The following ATXN7 variants were observed in gnomAD, a reference collection of about 807,000 sequenced individuals.
ATXN7 encodes ataxin-7.
A neutral mutation model predicts 70.5 loss-of-function variants in ATXN7; 12 were observed. The observed-to-expected ratio is 0.17, with a 90% CI of 0.11 to 0.28. The LOEUF (loss-of-function observed/expected upper bound fraction) is 0.28, where lower values mean the gene tolerates loss of function less well. ATXN7 is among the 10% of genes least tolerant of loss of function. ATXN7 has a pLI of 1.00. For synonymous variants in ATXN7, 498 were observed against 448.7 expected, an observed-to-expected ratio of 1.11 and a Z score of -1.39; for missense variants, 1,256 against 1,131.7, an observed-to-expected ratio of 1.11 and a Z score of -1.58.
At chr3:63,955,564 CA>C (rs1303934535) in intron 5 of ATXN7, among the ~76,000 whole-genome samples, 1 of 152,132 alleles carries the variant, frequency 6.6e-6, no homozygotes. Flanking sequence ...CTTTTGGGGA[CA>C]GGGGTTGTGA....
Position 63,884,235 on chromosome 3 carries a change from ACACACATACT to A in ATXN7, c.-110-14162_-110-14153del, listed in dbSNP as rs1459497390. 7.4e-4 allele frequency among the ~76,000 whole-genome samples: 103 copies of A among 139,460 alleles called. 1 individual carries two copies. The highest frequency in any genetic ancestry group is 2.4e-3 in the African/African-American group (91 of 38,016). The allele number at this position is 139,460 out of a possible 152,430, so 91.5% of individuals were successfully genotyped here. A position where few individuals can be genotyped will look rare whatever the true frequency, so the allele number is the denominator to read the frequency against. On this transcript the variant is annotated intron_variant, in intron 1 of 12. Coordinates refer to ENST00000674280, the MANE Select transcript of ATXN7 (RefSeq NM_001377405.1). ...CACACACACACACACACACACACACACACACATACTCTCACACACACACACACTCATTCAC... is the reference window on the plus strand; with the variant it reads ...CACACACACACACACACACACACACACTCACACACACACACACTCATTCAC...
chr3:63,946,356 T>C (rs1412674051), intron 4 of ATXN7, among the ~76,000 whole-genome samples: 1 of 152,020 alleles, frequency 6.6e-6, no homozygotes, highest in African/African-American at 2.4e-5. Context: ...GAAGGAATTG[T>C]GGGCCAGGCG....
At chr3:63,877,404 T>C (rs991026688) in intron 1 of ATXN7, among the ~76,000 whole-genome samples, 3 of 152,238 alleles carry the variant, frequency 2.0e-5, no homozygotes, top group African/African-American at 4.8e-5. Flanking sequence ...AAATGCATGC[T>C]TAGAAGTAAG....
chr3:63,958,578 C>G (rs894621405), intron 5 of ATXN7, among the ~76,000 whole-genome samples: 3 of 152,154 alleles, frequency 2.0e-5, no homozygotes. Flanking sequence ...CTCTGATTAA[C>G]TTAGACCTGG....
chr3:63,939,148 T>C lies in ATXN7; in HGVS notation c.395-13231T>C, dbSNP rs115536648. Among the ~76,000 whole-genome samples, 1,000 of 152,222 alleles carry C rather than the reference T, an allele frequency of 6.6e-3. 11 individuals are homozygous for C. Among genetic ancestry groups the C allele is most frequent in the African/African-American group, 0.022 (902 of 41,516 alleles). ...CCTTAGAACTTAGATGTCCCACATA[T>C]ATGGGCTTCATTCTCAGACCTGGCA... On this transcript the variant is annotated intron_variant, in intron 4 of 12. Transcript: ENST00000674280.
intron 2 of ATXN7, chr3:63,912,254 G>C (rs1197986545): frequency 6.6e-6 from 1 of 151,948 alleles, no homozygotes; most frequent in Non-Finnish European, 1.5e-5. Flanking sequence ...CGCGGGGTTG[G>C]AGCCGGGCCG....
chr3:63,990,003 G>C (rs1226842258), intron 9 of ATXN7, among the ~76,000 whole-genome samples, 173 bp from the exon 10 acceptor site: 1 of 152,184 alleles, frequency 6.6e-6, no homozygotes, highest in East Asian at 1.9e-4. Flanking sequence ...TGCAGTTCAG[G>C]AGAGAGGTTC....
At chr3:63,880,946 G>A (rs1702889346) in intron 1 of ATXN7, among the ~76,000 whole-genome samples, 1 of 152,156 alleles carries the variant, frequency 6.6e-6, no homozygotes, top group African/African-American at 2.4e-5. Flanking sequence ...TTGCAAAAAA[G>A]GGAAAAAGAA....
chr3:63,944,926 C>T (rs1412416699), intron 4 of ATXN7, among the ~76,000 whole-genome samples: 5 of 151,962 alleles, frequency 3.3e-5, no homozygotes, highest in African/African-American at 1.2e-4. Flanking sequence ...CAGGTAGCTG[C>T]AATTACAAGT....
In ATXN7 at chr3:63,995,671, T is replaced by C. The variant is rs2075745800; in HGVS notation, c.1849T>C (p.Ser617Pro). ...TACCTGCATCTCCCCAAATAGCAAA[T>C]CGGTACCAGCTCATGGAACCACACT... ...SSTCISPNSK[S>P]VPAHGTTLNA... The change falls in exon 12 of 13, where the codon TCG (serine) becomes CCG (proline). Residue 617 changes from serine to proline, a missense_variant. By Grantham distance (74) the Ser-to-Pro change is moderately conservative. Transcript: ENST00000674280. 1 of 1,613,976 alleles carries C rather than the reference T, an allele frequency of 6.2e-7. No individual in the cohort carries two copies. Among genetic ancestry groups the C allele is most frequent in the Non-Finnish European group, 8.5e-7 (1 of 1,180,032 alleles).
Position 64,002,551 on chromosome 3 carries a change from T to C in ATXN7, c.*3084T>C, listed in dbSNP as rs1559667676. ...TATACTCAGCACATGTATGTTACTA[T>C]GTGATGTGGTTTAAAACTAATGGAA... On this transcript the variant is annotated 3_prime_UTR_variant, in exon 13 of 13. Transcript: ENST00000674280. 1 of 152,138 alleles carries C rather than the reference T, an allele frequency of 6.6e-6. No individual in the cohort carries two copies. Among genetic ancestry groups the C allele is most frequent in the East Asian group, 1.9e-4 (1 of 5,194 alleles). The allele number at this position is 152,138 out of a possible 1,614,324, so 9.4% of individuals were successfully genotyped here.
At chr3:63,962,569 T>C (rs1355379622) in intron 5 of ATXN7, among the ~76,000 whole-genome samples, 1 of 151,982 alleles carries the variant, frequency 6.6e-6, no homozygotes, top group Non-Finnish European at 1.5e-5. Context: ...CACACCCAGC[T>C]AATTTGTGCA....
intron 5 of ATXN7, among the ~76,000 whole-genome samples, chr3:63,953,597 C>T (rs944982193): frequency 1.3e-5 from 2 of 151,302 alleles, no homozygotes; most frequent in African/African-American, 4.9e-5. Context: ...GAGATGACAC[C>T]GGACTGAGAG....
intron 5 of ATXN7, among the ~76,000 whole-genome samples, chr3:63,972,859 A>C (rs1259438648): frequency 6.6e-6 from 1 of 152,158 alleles, no homozygotes; most frequent in Non-Finnish European, 1.5e-5. Context: ...TTTGTTCTTA[A>C]GTGATTTCTA....
chr3:63,873,863 C>A (rs1442445994), intron 1 of ATXN7: 1 of 152,134 alleles, frequency 6.6e-6, no homozygotes, highest in Non-Finnish European at 1.5e-5. Flanking sequence ...GCCACCAAAC[C>A]TGGCTAATAC....
At position 63,976,729 on chromosome 3, in the gene ATXN7, G is replaced by A. The variant is rs189987581; in HGVS notation, c.500-3186G>A. On this transcript the variant is annotated intron_variant, in intron 5 of 12. Coordinates refer to ENST00000674280, the MANE Select transcript of ATXN7 (RefSeq NM_001377405.1). ...AGTCAGTTCTGCTATAGCACAACATGCATTCCTAAAAAATTACTGCACAAT... is the reference window on the plus strand; with the variant it reads ...AGTCAGTTCTGCTATAGCACAACATACATTCCTAAAAAATTACTGCACAAT... 8.5e-5 allele frequency among the ~76,000 whole-genome samples: 13 copies of A among 152,262 alleles called. No homozygotes were observed. In the East Asian group the frequency reaches 2.5e-3, roughly 29 times the overall value.
intron 1 of ATXN7, among the ~76,000 whole-genome samples, chr3:63,893,524 G>T (rs1479898699): frequency 3.3e-5 from 5 of 152,316 alleles, no homozygotes; most frequent in Non-Finnish European, 7.3e-5. Context: ...CAGAGGGACT[G>T]AACATTGTGT....
intron 2 of ATXN7, among the ~76,000 whole-genome samples, chr3:63,903,270 C>A (rs530778897): frequency 3.3e-5 from 5 of 151,684 alleles, no homozygotes; most frequent in African/African-American, 1.2e-4. Context: ...GCCTGTAGTC[C>A]CACCTACCCC....
intron 7 of ATXN7, 138 bp downstream of exon 7, chr3:63,982,583 A>G (rs2075507063): frequency 2.5e-6 from 2 of 796,082 alleles, no homozygotes; most frequent in African/African-American, 1.8e-5. Flanking sequence ...TCCTTAGTTA[A>G]TATGTTTGTT....
Sources: gnomAD v4.1 joint callset for allele counts (sites outside exome capture counted in the v4.1 genomes callset) on GRCh38, gnomAD v4.1.1 for gene constraint, MANE v1.5 for transcripts, NCBI Gene and HGNC (gene_info 2026-07-23, HGNC 2026-07-21) for gene names.